PTCH2: variants seen among roughly 807,000 people sequenced by gnomAD.
PTCH2 encodes patched 2.
In PTCH2, 96 loss-of-function variants were observed where a neutral mutation model predicts 117.9. The observed-to-expected ratio is 0.81, with a 90% CI of 0.69 to 0.96. PTCH2 has a LOEUF of 0.96. PTCH2 is among the 50% of genes least tolerant of loss of function. PTCH2 has a pLI of 0.00. For missense variants in PTCH2, 1,379 were observed against 1,562.5 expected (o/e 0.88, Z 1.98); for synonymous variants, 615 against 660.9 (o/e 0.93, Z 1.06).
chr1:44,832,294 C>G lies in PTCH2; in HGVS notation c.313G>C (p.Gly105Arg). ...TGAGAGGTGTATGCAGCCTCCTCCCCCAGCTTCTCCTTGGTGTAATGCAGC... is the reference window on the plus strand; with the variant it reads ...TGAGAGGTGTATGCAGCCTCCTCCCGCAGCTTCTCCTTGGTGTAATGCAGC... ...QELHYTKEKLGEEAAYTSQML... is the reference protein window; with the variant it reads ...QELHYTKEKLREEAAYTSQML... Residue 105 changes from glycine (G) to arginine (R), a missense_variant, in exon 3 of 22, where the codon GGG becomes CGG. Transcript: ENST00000372192. 1 of 1,614,232 alleles carries G rather than the reference C, an allele frequency of 6.2e-7. No homozygotes were observed. Among genetic ancestry groups the G allele is most frequent in the Middle Eastern group, 1.6e-4 (1 of 6,062 alleles).
In PTCH2 at chr1:44,822,331, T is replaced by G. The variant is rs1351801628; in HGVS notation, c.*84A>C. 6.2e-6 allele frequency: 10 copies of G among 1,604,312 alleles called. No individual in the cohort carries two copies. The Middle Eastern group carries it at 6.9e-4, about 110-fold the overall frequency. ...CAGCAGCAGCAGGGCCCTCCAGGGG[T>G]CCATCCTGCGTCTAACACCAGACCC... On this transcript the variant is annotated 3_prime_UTR_variant, in exon 22 of 22. Transcript: ENST00000372192.
At chr1:44,837,894 T>C (rs891015156) in intron 2 of PTCH2, among the ~76,000 whole-genome samples, 1 of 151,794 alleles carries the variant, frequency 6.6e-6, no homozygotes, top group Non-Finnish European at 1.5e-5. Flanking sequence ...CTGGCTAACA[T>C]GGTGGAACCC....
chr1:44,829,731 C>T lies in PTCH2; in HGVS notation c.966G>A (p.Leu322=), dbSNP rs1189844534. The T allele has an allele frequency of 6.2e-7, 1 of 1,614,242 alleles. No individual in the cohort carries two copies. Among genetic ancestry groups the T allele is most frequent in the South Asian group, 1.1e-5 (1 of 91,088 alleles). ...GCTCGTACAGCTGGCGGGGACTCAT[C>T]AGCAAGAAGGTGCTCTGCAGGGCCT... The part of the protein sequence containing the change: ...RAEALQSTFL[L]MSPRQLYEHF... The change falls in exon 8 of 22, where the codon CTG becomes CTA. Residue 322 remains leucine, a synonymous_variant. Coordinates refer to ENST00000372192, the MANE Select transcript of PTCH2 (RefSeq NM_003738.5).
rs1652931416 is a variant in PTCH2 at position 44,822,076 on chromosome 1, C to T, written c.*339G>A. The T allele has an allele frequency of 7.3e-7, 1 of 1,365,028 alleles. No individual in the cohort carries two copies. Among genetic ancestry groups the T allele is most frequent in the Non-Finnish European group, 9.5e-7 (1 of 1,055,432 alleles). The allele number at this position is 1,365,028 out of a possible 1,614,324, so 84.6% of individuals were successfully genotyped here. A position where few individuals can be genotyped will look rare whatever the true frequency, so the allele number is the denominator to read the frequency against. On this transcript the variant is annotated 3_prime_UTR_variant, in exon 22 of 22. Coordinates refer to ENST00000372192, the MANE Select transcript of PTCH2 (RefSeq NM_003738.5). ...GGTGGGCAGGGATATGGAGAGCCTG[C>T]CCAGGAGTCACCAGACGGAAGGGTG... is the stretch of plus-strand genomic sequence containing the variant.
Position 44,829,510 on chromosome 1 carries a change from C to T in PTCH2, c.1107G>A (p.Glu369=). Residue 369 remains glutamate (E), a synonymous_variant, in exon 9 of 22, where the codon GAG becomes GAA. Coordinates refer to ENST00000372192, the MANE Select transcript of PTCH2 (RefSeq NM_003738.5). ...AGGCATGGATCTGCTGGGAAGCGTT[C>T]TCAGGCAGGGCCTCCTGGGCCAGCT... ...FVQLAQEALP[E]NASQQIHAFS... is the part of the protein sequence containing the mutation. 6.2e-7 allele frequency: 1 copy of T among 1,614,180 alleles called. No individual in the cohort carries two copies. Among genetic ancestry groups the T allele is most frequent in the Non-Finnish European group, 8.5e-7 (1 of 1,180,028 alleles).
At chr1:44,837,899 G>A (rs2148883713) in intron 2 of PTCH2, among the ~76,000 whole-genome samples, 1 of 151,848 alleles carries the variant, frequency 6.6e-6, no homozygotes, top group South Asian at 2.1e-4. Flanking sequence ...TAACATGGTG[G>A]AACCCTGTCT....
rs11573551 is a variant in PTCH2 at position 44,838,606 on chromosome 1, GACAA to G, written c.265+3237_265+3240del. On this transcript the variant is annotated intron_variant, in intron 2 of 21. Coordinates refer to ENST00000372192, the MANE Select transcript of PTCH2 (RefSeq NM_003738.5). ...CTTGACTTTACAGTTGGCCAGGAAA[GACAA>G]ACAAGTCAAATTCCAAGTCTCACTG... Among the ~76,000 whole-genome samples, 673 of 152,308 alleles carry G rather than the reference GACAA, an allele frequency of 4.4e-3. 2 individuals are homozygous for G. The highest frequency in any genetic ancestry group is 0.015 in the African/African-American group (643 of 41,558).
intron 21 of PTCH2, 139 bp downstream of exon 21, chr1:44,822,930 G>A: frequency 2.0e-6 from 2 of 1,002,132 alleles, no homozygotes; most frequent in Non-Finnish European, 3.0e-6. Context: ...GGGGAAAGGA[G>A]GAGGCTGCCA....
At chr1:44,838,944 G>A (rs1184238529) in intron 2 of PTCH2, among the ~76,000 whole-genome samples, 1 of 152,028 alleles carries the variant, frequency 6.6e-6, no homozygotes, top group Non-Finnish European at 1.5e-5. Context: ...AGCCAGGCTG[G>A]TGTTGAACTC....
intron 2 of PTCH2, among the ~76,000 whole-genome samples, chr1:44,832,707 T>C (rs1042798222): frequency 2.6e-5 from 4 of 152,160 alleles, no homozygotes; most frequent in African/African-American, 9.7e-5. Flanking sequence ...GAACCCTCGC[T>C]CAGTCCCTCT....
rs1049149133 is a variant in PTCH2 at position 44,822,305 on chromosome 1, G to A, written c.*110C>T. 4.4e-5 allele frequency: 70 copies of A among 1,588,848 alleles called. No individual in the cohort carries two copies. Among genetic ancestry groups the A allele is most frequent in the Non-Finnish European group, 5.3e-5 (62 of 1,173,464 alleles). ...TGACAGCTGGGTCGGGAGAGGGGATGCAGCAGCAGCAGGGCCCTCCAGGGG... is the reference window on the plus strand; with the variant it reads ...TGACAGCTGGGTCGGGAGAGGGGATACAGCAGCAGCAGGGCCCTCCAGGGG... On this transcript the variant is annotated 3_prime_UTR_variant, in exon 22 of 22. Coordinates refer to ENST00000372192, the MANE Select transcript of PTCH2 (RefSeq NM_003738.5).
intron 19 of PTCH2, among the ~76,000 whole-genome samples, chr1:44,825,646 C>T (rs1376252153): frequency 6.6e-6 from 1 of 152,062 alleles, no homozygotes; most frequent in Non-Finnish European, 1.5e-5. Context: ...CCTGCCTCAG[C>T]CTCCTGAGTA....
chr1:44,832,422 G>A, intron 2 of PTCH2, 81 bp from the exon 3 acceptor site: 1 of 1,437,846 alleles, frequency 7.0e-7, no homozygotes, highest in East Asian at 2.3e-5. Flanking sequence ...TAACTCTGAG[G>A]CCTCCCCAGA....
intron 2 of PTCH2, among the ~76,000 whole-genome samples, chr1:44,836,671 C>T (rs1485238814): frequency 6.6e-6 from 1 of 151,530 alleles, no homozygotes; most frequent in Non-Finnish European, 1.5e-5. Context: ...ATCCACTGCA[C>T]TCCAGCCTGG....
chr1:44,827,028 A>G lies in PTCH2; in HGVS notation c.2569T>C (p.Tyr857His). 1 of 1,614,120 alleles carries G rather than the reference A, an allele frequency of 6.2e-7. No individual in the cohort carries two copies. The highest frequency in any genetic ancestry group is 8.5e-7 in the Non-Finnish European group (1 of 1,180,024). Reference sequence around the variant, plus strand: ...CTCACCCACACGGTCAGCCCCATGTAGAAGAGCTCGGGTGGAATCAGTCCC... The same window carrying G: ...CTCACCCACACGGTCAGCCCCATGTGGAAGAGCTCGGGTGGAATCAGTCCC... ...REGLIPPELF[Y>H]MGLTVWVSSD... Residue 857 changes from tyrosine to histidine, a missense_variant, in exon 17 of 22, where the codon TAC (tyrosine) becomes CAC (histidine). By Grantham distance (83) the Tyr-to-His change is moderately conservative. Transcript: ENST00000372192.
At position 44,826,582 on chromosome 1, in the gene PTCH2, C is replaced by T. The variant is rs369745249; in HGVS notation, c.2882G>A (p.Arg961Gln). ...GCAGACGGCCAGCAGGAAGCAGCGCCGCAGGCCCAGATACTGTTCCCAGAA... is the reference window on the plus strand; with the variant it reads ...GCAGACGGCCAGCAGGAAGCAGCGCTGCAGGCCCAGATACTGTTCCCAGAA... ...FLFWEQYLGLRRCFLLAVCIL... is the reference protein window; with the variant it reads ...FLFWEQYLGLQRCFLLAVCIL... Residue 961 changes from arginine (R) to glutamine (Q), a missense_variant, in exon 18 of 22, where the codon CGG (arginine) becomes CAG (glutamine). By Grantham distance (43) the Arg-to-Gln change is conservative. Coordinates refer to ENST00000372192, the MANE Select transcript of PTCH2 (RefSeq NM_003738.5). This position sits in a 1 kb window ranked among gnomAD's most constrained non-coding sequence, Gnocchi z 5.1. 17 of 1,613,182 alleles carry T rather than the reference C, an allele frequency of 1.1e-5. No individual in the cohort carries two copies. Among genetic ancestry groups the T allele is most frequent in the African/African-American group, 6.7e-5 (5 of 74,910 alleles).
chr1:44,828,263 C>A, intron 13 of PTCH2, 33 bp downstream of exon 13: 1 of 1,613,208 alleles, frequency 6.2e-7, no homozygotes, highest in Non-Finnish European at 8.5e-7. Flanking sequence ...TGGCGTGGGT[C>A]ACGGGAGGAA....
In PTCH2 at chr1:44,827,712, G is replaced by A. The variant is rs74984978; in HGVS notation, c.2061C>T (p.Ala687=). 6.2e-7 allele frequency: 1 copy of A among 1,611,138 alleles called. No homozygotes were observed. Among genetic ancestry groups the A allele is most frequent in the East Asian group, 2.2e-5 (1 of 44,888 alleles). The change falls in exon 15 of 22, where the codon GCC becomes GCT. Residue 687 remains alanine (A), a splice_region_variant and synonymous_variant. Transcript: ENST00000372192. The part of the protein sequence containing the change: ...APLLLQSHAK[A]IVLVLFGALL... ...GAGCACCAAAGAGCACCAGCACGAT[G>A]GCCTGCGGGATGTAGCAACTAAGCT...
In PTCH2 at chr1:44,826,467, C is replaced by T. The variant is rs1653146186; in HGVS notation, c.2976+21G>A. ...CAGGGAAGGGTGGGGTGTCTCTGTC[C>T]CCACTCCTGCAAGCACTCACTATGA... On this transcript the variant is annotated intron_variant, in intron 18 of 21. Transcript: ENST00000372192. This position sits in a 1 kb window ranked among gnomAD's most constrained non-coding sequence, Gnocchi z 5.1. 1 of 1,613,698 alleles carries T rather than the reference C, an allele frequency of 6.2e-7. No homozygotes were observed. Among genetic ancestry groups the T allele is most frequent in the South Asian group, 1.1e-5 (1 of 91,070 alleles).
Sources: gnomAD v4.1 joint callset for allele counts (sites outside exome capture counted in the v4.1 genomes callset) on GRCh38, gnomAD v4.1.1 for gene constraint, Gnocchi (gnomAD v3.1) non-coding constraint, MANE v1.5 for transcripts, NCBI Gene and HGNC (gene_info 2026-07-23, HGNC 2026-07-21) for gene names.